TLN2: variants seen among roughly 807,000 people sequenced by gnomAD.
TLN2 encodes the protein talin-2.
TLN2 carries 118 observed loss-of-function variants against 294.7 expected under a neutral mutation model. The observed-to-expected ratio is 0.40, with a 90% CI of 0.34 to 0.47. The LOEUF (loss-of-function observed/expected upper bound fraction) is 0.47, where lower values mean the gene tolerates loss of function less well. Among genes scored for constraint, TLN2 ranks in the 20% least tolerant of loss-of-function variants. TLN2 has a pLI of 0.84. For synonymous variants in TLN2, 1,431 were observed against 1,304.5 expected, an observed-to-expected ratio of 1.10 and a Z score of -2.09; for missense variants, 3,083 against 3,282.2, an observed-to-expected ratio of 0.94 and a Z score of 1.48.
chr15:62,807,682 A>G (rs2141166076), intron 51 of TLN2, among the ~76,000 whole-genome samples: 1 of 152,308 alleles, frequency 6.6e-6, no homozygotes, highest in Admixed American at 6.5e-5. Context: ...CAGGTAGAAC[A>G]GTGTGGGTGC....
intron 1 of TLN2, among the ~76,000 whole-genome samples, chr15:62,450,069 C>T (rs976766197): frequency 6.6e-6 from 1 of 152,152 alleles, no homozygotes; most frequent in South Asian, 2.1e-4. Flanking sequence ...AACTTACTTT[C>T]CTAATGTTTT....
chr15:62,644,807 C>G lies in TLN2; in HGVS notation c.-36-2468C>G, dbSNP rs114525078. 2,153 of 337,966 alleles carry G rather than the reference C, an allele frequency of 6.4e-3. 48 individuals are homozygous for G. The highest frequency in any genetic ancestry group is 0.042 in the African/African-American group (1,974 of 46,598). 20.9% of individuals were successfully genotyped at this position (337,966 alleles called of 1,614,324 possible). A position where few individuals can be genotyped will look rare whatever the true frequency, so the allele number is the denominator to read the frequency against. ...TGGCTCTCGGGTCCATGTCATGGCT[C>G]TCTCTTGGCTTCAGTGGAATCTCTC... On this transcript the variant is annotated intron_variant, in intron 3 of 58. Transcript: ENST00000636159.
intron 1 of TLN2, among the ~76,000 whole-genome samples, chr15:62,487,949 G>A (rs905457096): frequency 7.3e-5 from 11 of 150,128 alleles, no homozygotes; most frequent in South Asian, 2.1e-4. Flanking sequence ...ATGGTGGCAC[G>A]TGCCTGTAGT....
chr15:62,705,085 T>A (rs2058972128), intron 19 of TLN2, among the ~76,000 whole-genome samples: 1 of 152,242 alleles, frequency 6.6e-6, no homozygotes, highest in South Asian at 2.1e-4. Flanking sequence ...TTTAGCAGAT[T>A]ATTTTCATTG....
intron 1 of TLN2, among the ~76,000 whole-genome samples, chr15:62,444,185 T>C (rs1035601899): frequency 6.6e-6 from 1 of 152,054 alleles, no homozygotes; most frequent in Non-Finnish European, 1.5e-5. Flanking sequence ...AGGGAAATAT[T>C]GAGGAGGAGG....
intron 13 of TLN2, among the ~76,000 whole-genome samples, chr15:62,694,009 C>T (rs2058136731): frequency 7.1e-6 from 1 of 141,008 alleles, no homozygotes; most frequent in Non-Finnish European, 1.5e-5. Context: ...CCCTCAGTCG[C>T]CCAGGCTGGA....
At chr15:62,782,314 T>C (rs2064247222) in intron 44 of TLN2, among the ~76,000 whole-genome samples, 1 of 152,210 alleles carries the variant, frequency 6.6e-6, no homozygotes, top group Non-Finnish European at 1.5e-5. Flanking sequence ...TCTCAGTGTT[T>C]TGTGAAAAGC....
At chr15:62,417,762 G>T (rs548321675) in intron 1 of TLN2, among the ~76,000 whole-genome samples, 1 of 152,346 alleles carries the variant, frequency 6.6e-6, no homozygotes, top group South Asian at 2.1e-4. Flanking sequence ...CTGTGGACCA[G>T]GGGGCATTGA....
intron 2 of TLN2, among the ~76,000 whole-genome samples, chr15:62,614,231 ACATTTCTGAAT>A (rs569458965): frequency 9.5e-4 from 144 of 152,306 alleles, no homozygotes; most frequent in African/African-American, 3.4e-3. Context: ...ATTTCCATAA[ACATTTCTGAAT>A]CATTTATTAG....
At chr15:62,535,456 C>T (rs1228451783) in intron 1 of TLN2, among the ~76,000 whole-genome samples, 1 of 144,270 alleles carries the variant, frequency 6.9e-6, no homozygotes, top group Non-Finnish European at 1.5e-5. Context: ...TAGTGAGACC[C>T]TGTCTGTGTG....
rs761941676 is a variant in TLN2, at chr15:62,776,929, G to A, written c.5514+19G>A. 68 of 1,502,644 alleles carry A rather than the reference G, an allele frequency of 4.5e-5. No homozygotes were observed. The highest frequency in any genetic ancestry group is 5.4e-5 in the Non-Finnish European group (60 of 1,119,306). 93.1% of individuals were successfully genotyped at this position (1,502,644 alleles called of 1,614,324 possible). ...GAGCAAGGTGGGCATGGGCTCTAGG[G>A]CTCTCTACTCCCTTATCTCCCTCAC... On this transcript the variant is annotated intron_variant, in intron 43 of 58. Transcript: ENST00000636159.
At chr15:62,560,553 T>G (rs2042871818) in intron 1 of TLN2, among the ~76,000 whole-genome samples, 1 of 152,218 alleles carries the variant, frequency 6.6e-6, no homozygotes, top group Non-Finnish European at 1.5e-5. Flanking sequence ...TCTCGAACTC[T>G]TGACCTCAAG....
At chr15:62,467,606 C>G (rs139700778) in intron 1 of TLN2, among the ~76,000 whole-genome samples, 1 of 152,040 alleles carries the variant, frequency 6.6e-6, no homozygotes, top group African/African-American at 2.4e-5. Flanking sequence ...GCAGGAGAAT[C>G]GCCAAGAGGT....
At chr15:62,488,341 G>A (rs1438295055) in intron 1 of TLN2, among the ~76,000 whole-genome samples, 3 of 152,182 alleles carry the variant, frequency 2.0e-5, no homozygotes, top group African/African-American at 4.8e-5. Context: ...GTAGAATGGG[G>A]ACATCTTTTA....
chr15:62,399,044 G>A (rs2032791465), intron 1 of TLN2, among the ~76,000 whole-genome samples: 1 of 152,010 alleles, frequency 6.6e-6, no homozygotes, highest in South Asian at 2.1e-4. Flanking sequence ...TCCAGCAGTG[G>A]CTACAAGGGG....
chr15:62,631,686 T>G (rs910096927), intron 3 of TLN2, among the ~76,000 whole-genome samples: 3 of 142,240 alleles, frequency 2.1e-5, no homozygotes, highest in African/African-American at 5.3e-5. Flanking sequence ...CCTCTCTTTC[T>G]GTCTTTCTTT....
chr15:62,489,412 G>A (rs959962956), intron 1 of TLN2, among the ~76,000 whole-genome samples: 2 of 152,062 alleles, frequency 1.3e-5, no homozygotes, highest in Non-Finnish European at 2.9e-5. Flanking sequence ...TAAAAATAAC[G>A]CTGTGCAACC....
intron 45 of TLN2, among the ~76,000 whole-genome samples, chr15:62,791,350 T>C (rs1428855823): frequency 1.3e-5 from 2 of 151,834 alleles, no homozygotes; most frequent in African/African-American, 4.8e-5. Flanking sequence ...CAAGACTCTA[T>C]CTCAAAAAAA....
chr15:62,478,801 G>A (rs985356230), intron 1 of TLN2, among the ~76,000 whole-genome samples: 1 of 152,168 alleles, frequency 6.6e-6, no homozygotes, highest in African/African-American at 2.4e-5. Context: ...TATTAGATAC[G>A]CAGTTCTAGT....
Sources: allele counts gnomAD v4.1 joint callset (sites outside exome capture counted in the v4.1 genomes callset), GRCh38; gene constraint gnomAD v4.1.1; transcripts MANE v1.5; gene names NCBI Gene and HGNC (gene_info 2026-07-23, HGNC 2026-07-21).